ZNF140: variants seen among roughly 807,000 people sequenced by gnomAD.
ZNF140 encodes the protein zinc finger protein 140.
A neutral mutation model predicts 12.9 loss-of-function variants in ZNF140; 13 were observed. The observed-to-expected ratio is 1.01, with a 90% CI of 0.66 to 1.60. The LOEUF (loss-of-function observed/expected upper bound fraction) is 1.60, where lower values mean the gene tolerates loss of function less well. ZNF140 is among the 40% of genes most tolerant of loss of function. ZNF140 has a pLI of 0.00. For synonymous variants in ZNF140, 214 were observed against 186.7 expected, an observed-to-expected ratio of 1.15 and a Z score of -1.19; for missense variants, 531 against 548.8, an observed-to-expected ratio of 0.97 and a Z score of 0.32.
At chr12:133,093,464 C>T (rs762673845) in intron 4 of ZNF140, 22 of 699,534 alleles carry the variant, frequency 3.1e-5, no homozygotes, top group Middle Eastern at 2.3e-4. Flanking sequence ...CCCATGTCGA[C>T]GGCTCCGCTT....
At chr12:133,096,442 T>C (rs1041523071) in intron 4 of ZNF140, among the ~76,000 whole-genome samples, 255 of 151,718 alleles carry the variant, frequency 1.7e-3, no homozygotes, top group African/African-American at 3.5e-3. Flanking sequence ...TCTACATAGG[T>C]ACAGTGACAG....
At chr12:133,091,030 CA>C (rs1954855829) in intron 4 of ZNF140, among the ~76,000 whole-genome samples, 4 of 148,796 alleles carry the variant, frequency 2.7e-5, no homozygotes, top group South Asian at 2.2e-4. Flanking sequence ...TTCCCAGGGG[CA>C]GACAGGAGAC....
intron 4 of ZNF140, among the ~76,000 whole-genome samples, chr12:133,099,278 T>C (rs963144340): frequency 6.6e-6 from 1 of 152,088 alleles, no homozygotes; most frequent in South Asian, 2.1e-4. Flanking sequence ...GTTCCAGACA[T>C]TGTCCTGCCT....
intron 4 of ZNF140, among the ~76,000 whole-genome samples, chr12:133,096,007 G>T (rs969880221): frequency 6.6e-6 from 1 of 150,980 alleles, no homozygotes; most frequent in Non-Finnish European, 1.5e-5. Context: ...ACTGCAAGAG[G>T]CTTTCCTCTT....
intron 4 of ZNF140, among the ~76,000 whole-genome samples, chr12:133,103,413 C>T (rs938299080): frequency 6.0e-5 from 9 of 149,800 alleles, no homozygotes; most frequent in Admixed American, 6.7e-5. Context: ...TGCACAGTAC[C>T]GTGCCTAAGT....
rs1954976469 is a variant in ZNF140 at position 133,093,790 on chromosome 12, C to G, written c.232+10229C>G. 1.3e-5 allele frequency among the ~76,000 whole-genome samples: 2 copies of G among 150,826 alleles called. 1 individual carries two copies. Among genetic ancestry groups the G allele is most frequent in the African/African-American group, 4.9e-5 (2 of 40,580 alleles). On this transcript the variant is annotated intron_variant, in intron 4 of 4. Transcript: ENST00000355557. ...CTTTTTGTCTCCCTTCTCTTACAGTCTCTCTCTTCCTCTCTCTCTCTCTCA... is the reference window on the plus strand; with the variant it reads ...CTTTTTGTCTCCCTTCTCTTACAGTGTCTCTCTTCCTCTCTCTCTCTCTCA...
intron 4 of ZNF140, among the ~76,000 whole-genome samples, chr12:133,097,424 AT>A (rs1187771053): frequency 6.6e-6 from 1 of 152,100 alleles, no homozygotes; most frequent in Admixed American, 6.6e-5. Flanking sequence ...TGGGCAGATC[AT>A]GAGTTCAGGA....
At chr12:133,082,730 G>A (rs1419554672) in intron 2 of ZNF140, 1 of 165,490 alleles carries the variant, frequency 6.0e-6, no homozygotes, top group African/African-American at 2.4e-5. Context: ...AATTCTGGCT[G>A]AATTATATTA....
intron 4 of ZNF140, among the ~76,000 whole-genome samples, chr12:133,098,769 A>G (rs1955227985): frequency 6.6e-6 from 1 of 152,144 alleles, no homozygotes; most frequent in African/African-American, 2.4e-5. Flanking sequence ...CAGTGGCACG[A>G]TCTTGGCTCA....
chr12:133,105,572 T>C lies in ZNF140; in HGVS notation c.295T>C (p.Ser99Pro), dbSNP rs1437665822. 1 of 1,614,126 alleles carries C rather than the reference T, an allele frequency of 6.2e-7. No individual in the cohort carries two copies. Among genetic ancestry groups the C allele is most frequent in the Admixed American group, 1.7e-5 (1 of 60,014 alleles). Residue 99 changes from serine to proline, a missense_variant, in exon 5 of 5, where the codon TCC (serine) becomes CCC (proline). Ser to Pro is a moderately conservative substitution (Grantham distance 74). Transcript: ENST00000355557. ...AAAAAATGTCATTTATGATGACTCA[T>C]CCCAGTATTTGATCATGGAAAGAAT... The part of the protein sequence containing the change: ...SPKNVIYDDS[S>P]QYLIMERILS...
Position 133,106,346 on chromosome 12 carries a change from T to TATGAATGTG in ZNF140, c.1079_1087dup (p.Asp360_Cys362dup). ...GAGAATTCATGCTGGAGAAAAGCTC[T>TATGAATGTG]ATGAATGTGATGAATGTGGTAAAGT... On this transcript the variant is annotated inframe_insertion, in exon 5 of 5. Coordinates refer to ENST00000355557, the MANE Select transcript of ZNF140 (RefSeq NM_003440.4). 2 of 1,614,194 alleles carry TATGAATGTG rather than the reference T, an allele frequency of 1.2e-6. No homozygotes were observed. The highest frequency in any genetic ancestry group is 2.2e-5 in the South Asian group (2 of 91,082).
chr12:133,091,078 C>T (rs61954464), intron 4 of ZNF140, among the ~76,000 whole-genome samples: 16,971 of 148,386 alleles, frequency 0.11, 1,435 homozygotes, highest in South Asian at 0.16. Flanking sequence ...AGAGGCTTTC[C>T]TCTTTTACTC....
intron 4 of ZNF140, among the ~76,000 whole-genome samples, chr12:133,095,525 G>C (rs367698749): frequency 7.9e-6 from 1 of 127,342 alleles, no homozygotes; most frequent in Non-Finnish European, 1.8e-5. Context: ...CGGGTGGGAT[G>C]AGAGACTGAG....
At chr12:133,104,544 G>A (rs1205800029) in intron 4 of ZNF140, among the ~76,000 whole-genome samples, 10 of 151,884 alleles carry the variant, frequency 6.6e-5, no homozygotes, top group Non-Finnish European at 1.3e-4. Context: ...GTAGAGACGG[G>A]GTTTCACTGT....
chr12:133,086,491 T>TG (rs35616553), intron 4 of ZNF140, among the ~76,000 whole-genome samples: 67,183 of 152,002 alleles, frequency 0.44, 15,106 homozygotes, highest in Non-Finnish European at 0.47. Context: ...TGAAGATTTT[T>TG]CTCTTGTATC....
At position 133,106,839 on chromosome 12, in the gene ZNF140, C is replaced by T. The variant is rs1955618358; in HGVS notation, c.*188C>T. The T allele has an allele frequency of 8.6e-6, 4 of 467,778 alleles. No homozygotes were observed. Among genetic ancestry groups the T allele is most frequent in the Admixed American group, 7.7e-5 (2 of 25,828 alleles). 29.0% of individuals were successfully genotyped at this position (467,778 alleles called of 1,614,324 possible). On this transcript the variant is annotated 3_prime_UTR_variant, in exon 5 of 5. Transcript: ENST00000355557. ...GAATATGTGGAAAAGCCATTAATAA[C>T]CACTCTTTTATTTTTTTGCAATAAC...
chr12:133,098,237 A>G (rs998498850), intron 4 of ZNF140, among the ~76,000 whole-genome samples: 6 of 152,034 alleles, frequency 3.9e-5, no homozygotes, highest in African/African-American at 1.5e-4. Context: ...AAAGTTTGCA[A>G]TATACATTCT....
At chr12:133,080,725 C>T (rs984831469), upstream of ZNF140, 3 of 152,428 alleles carry the variant, frequency 2.0e-5, no homozygotes, top group Admixed American at 2.0e-4. Flanking sequence ...TTCTTTGTCT[C>T]CTGGCGTTCT....
At chr12:133,082,055 T>G (rs758468123) in intron 2 of ZNF140, 185 of 152,780 alleles carry the variant, frequency 1.2e-3, no homozygotes, top group Non-Finnish European at 4.4e-4. Context: ...CAGAGCTCAT[T>G]TTTCAGACAT....
Sources: gnomAD v4.1 joint callset for allele counts (sites outside exome capture counted in the v4.1 genomes callset) on GRCh38, gnomAD v4.1.1 for gene constraint, MANE v1.5 for transcripts, NCBI Gene and HGNC (gene_info 2026-07-23, HGNC 2026-07-21) for gene names.